The following TRIQK variants were observed in gnomAD, a reference collection of about 807,000 sequenced individuals.
TRIQK encodes triple QxxK/R motif-containing protein.
A neutral mutation model predicts 10.8 loss-of-function variants in TRIQK; 10 were observed. The ratio of observed to expected loss-of-function variants is 0.92; its 90% CI spans 0.57 to 1.57. The LOEUF is 1.57. Ranked by LOEUF, TRIQK falls within the 40% of genes most tolerant of loss-of-function variation. TRIQK has a pLI of 0.00. For missense variants in TRIQK, 107 were observed against 97.7 expected, an observed-to-expected ratio of 1.09 and a Z score of -0.40; for synonymous variants, 33 against 33.7, an observed-to-expected ratio of 0.98 and a Z score of 0.07.
chr8:92,903,968 T>C (rs558254042), intron 3 of TRIQK, among the ~76,000 whole-genome samples: 3 of 152,202 alleles, frequency 2.0e-5, no homozygotes, highest in Admixed American at 2.0e-4. Flanking sequence ...GTTTTAGATA[T>C]GGCAGTCAAA....
chr8:92,924,323 C>T (rs1453173219), intron 2 of TRIQK, among the ~76,000 whole-genome samples: 1 of 151,950 alleles, frequency 6.6e-6, no homozygotes, highest in Non-Finnish European at 1.5e-5. Context: ...TGACACATTT[C>T]CTAGATAAAG....
chr8:92,940,469 A>G (rs1173132734), intron 2 of TRIQK, among the ~76,000 whole-genome samples: 2 of 152,206 alleles, frequency 1.3e-5, no homozygotes, highest in African/African-American at 4.8e-5. Flanking sequence ...ATGAGAGTGG[A>G]GTAGCTATAC....
At chr8:92,910,569 G>C (rs1809516801) in intron 3 of TRIQK, among the ~76,000 whole-genome samples, 1 of 150,598 alleles carries the variant, frequency 6.6e-6, no homozygotes, top group South Asian at 2.1e-4. Flanking sequence ...TGAAAACAAA[G>C]ATTCTCCACC....
intron 4 of TRIQK, among the ~76,000 whole-genome samples, chr8:92,889,229 C>G (rs1243910565): frequency 6.6e-6 from 1 of 151,552 alleles, no homozygotes; most frequent in Admixed American, 6.6e-5. Flanking sequence ...GAGGGTTAAG[C>G]CCCTATTGTA....
chr8:92,890,535 G>T (rs1383340511), intron 4 of TRIQK, among the ~76,000 whole-genome samples: 1 of 151,380 alleles, frequency 6.6e-6, no homozygotes, highest in African/African-American at 2.4e-5. Context: ...TCTCATACTA[G>T]GAACATTATT....
intron 1 of TRIQK, among the ~76,000 whole-genome samples, chr8:93,016,491 A>G (rs539945215): frequency 1.7e-4 from 26 of 152,338 alleles, no homozygotes; most frequent in African/African-American, 6.0e-4. Flanking sequence ...GTTTACTTTT[A>G]CTTTTAATTT....
chr8:92,896,633 A>G (rs148372494), intron 3 of TRIQK, among the ~76,000 whole-genome samples: 210 of 152,264 alleles, frequency 1.4e-3, no homozygotes, highest in African/African-American at 3.4e-3. Flanking sequence ...GCCTGCCCCA[A>G]TGTGACCAGG....
At chr8:92,970,570 T>A (rs1427788592), upstream of TRIQK, among the ~76,000 whole-genome samples, 1 of 152,248 alleles carries the variant, frequency 6.6e-6, no homozygotes, top group Non-Finnish European at 1.5e-5. Flanking sequence ...GAACTTTTTT[T>A]CATATGTTTC....
intron 2 of TRIQK, among the ~76,000 whole-genome samples, chr8:92,924,803 C>A (rs973725713): frequency 6.6e-6 from 1 of 151,790 alleles, no homozygotes; most frequent in African/African-American, 2.4e-5. Flanking sequence ...ATAGTATTAT[C>A]ATATTGTCAT....
intron 2 of TRIQK, among the ~76,000 whole-genome samples, chr8:92,918,590 T>A: frequency 6.6e-6 from 1 of 152,052 alleles, no homozygotes; most frequent in Non-Finnish European, 1.5e-5. Flanking sequence ...ATTGAGTTGT[T>A]TGAGCTCCTT....
chr8:92,980,136 C>T (rs893633545), intron 1 of TRIQK, among the ~76,000 whole-genome samples: 2 of 151,952 alleles, frequency 1.3e-5, no homozygotes, highest in Non-Finnish European at 2.9e-5. Context: ...ACTTCTTTTA[C>T]TAAATGTCTT....
intron 1 of TRIQK, among the ~76,000 whole-genome samples, chr8:92,994,148 A>G (rs1354628549): frequency 6.6e-6 from 1 of 152,156 alleles, no homozygotes; most frequent in African/African-American, 2.4e-5. Context: ...AATTTAGTGC[A>G]CTATCTTCTT....
chr8:92,960,838 G>A (rs1363979793), intron 1 of TRIQK: 6 of 152,196 alleles, frequency 3.9e-5, no homozygotes, highest in African/African-American at 1.4e-4. Context: ...CCACAGAACT[G>A]TCAGATACTA....
At chr8:92,986,927 G>C (rs1270635130) in intron 1 of TRIQK, among the ~76,000 whole-genome samples, 2 of 152,122 alleles carry the variant, frequency 1.3e-5, no homozygotes, top group African/African-American at 4.8e-5. Context: ...ATCATATCTT[G>C]AAAGTATTAT....
intron 2 of TRIQK, among the ~76,000 whole-genome samples, chr8:92,938,767 T>C (rs1811123720): frequency 6.6e-6 from 1 of 152,200 alleles, no homozygotes; most frequent in Admixed American, 6.6e-5. Flanking sequence ...ACTTGTCTTC[T>C]GCAGTGTCCT....
intron 3 of TRIQK, among the ~76,000 whole-genome samples, chr8:92,913,257 A>G (rs1384584728): frequency 1.3e-5 from 2 of 152,198 alleles, no homozygotes; most frequent in African/African-American, 4.8e-5. Flanking sequence ...AAAGTTCACC[A>G]GGAACTTAAA....
intron 1 of TRIQK, among the ~76,000 whole-genome samples, chr8:92,989,035 T>C (rs1563673527): frequency 6.6e-6 from 1 of 152,288 alleles, no homozygotes; most frequent in East Asian, 1.9e-4. Flanking sequence ...GATGCAAGAA[T>C]ACATGGATAA....
intron 3 of TRIQK, among the ~76,000 whole-genome samples, chr8:92,901,098 C>T (rs1240634513): frequency 6.6e-6 from 1 of 151,974 alleles, no homozygotes; most frequent in Non-Finnish European, 1.5e-5. Context: ...GTACAAAAAT[C>T]AACTCCAGCA....
chr8:92,926,927 T>C (rs1007302738), intron 2 of TRIQK, among the ~76,000 whole-genome samples: 2 of 152,158 alleles, frequency 1.3e-5, no homozygotes, highest in Non-Finnish European at 2.9e-5. Context: ...CACTTGTGCC[T>C]GTAATACCAG....
Sources: gnomAD v4.1 joint callset for allele counts (sites outside exome capture counted in the v4.1 genomes callset) on GRCh38, gnomAD v4.1.1 for gene constraint, MANE v1.5 for transcripts, NCBI Gene and HGNC (gene_info 2026-07-23, HGNC 2026-07-21) for gene names.